The following PEBP4 variants were observed in gnomAD, a reference collection of about 807,000 sequenced individuals.
The protein encoded by PEBP4 is phosphatidylethanolamine-binding protein 4.
A neutral mutation model predicts 23.9 loss-of-function variants in PEBP4; 22 were observed. The ratio of observed to expected loss-of-function variants is 0.92; its 90% CI spans 0.66 to 1.31. The LOEUF is 1.31. Ranked by LOEUF, PEBP4 falls within the 40% of genes most tolerant of loss-of-function variation. The pLI, the probability that PEBP4 is intolerant of heterozygous loss-of-function variation, is 0.00. For synonymous variants in PEBP4, 112 were observed against 99.3 expected (o/e 1.13, Z -0.76); for missense variants, 324 against 281.7 (o/e 1.15, Z -1.07).
chr8:22,721,166 T>C (rs1804510237), intron 6 of PEBP4, among the ~76,000 whole-genome samples: 2 of 152,144 alleles, frequency 1.3e-5, no homozygotes, highest in Admixed American at 1.3e-4. Context: ...GCCTCATCAG[T>C]TGGTCCCTGC....
chr8:22,847,126 G>A (rs192757670), intron 3 of PEBP4, among the ~76,000 whole-genome samples: 1 of 152,258 alleles, frequency 6.6e-6, no homozygotes, highest in East Asian at 1.9e-4. Context: ...TTTTCTTTAC[G>A]TTATTCCTTG....
chr8:22,837,603 C>A (rs1419799063), intron 3 of PEBP4, among the ~76,000 whole-genome samples: 2 of 152,182 alleles, frequency 1.3e-5, no homozygotes, highest in African/African-American at 4.8e-5. Flanking sequence ...CATACACATG[C>A]CCACACAGAC....
chr8:22,721,081 T>G (rs1439570776), intron 6 of PEBP4, among the ~76,000 whole-genome samples: 1 of 152,076 alleles, frequency 6.6e-6, no homozygotes, highest in African/African-American at 2.4e-5. Context: ...CCACGACCCT[T>G]GCTGTGCTCC....
intron 4 of PEBP4, among the ~76,000 whole-genome samples, chr8:22,736,050 G>T (rs1347934959): frequency 6.6e-6 from 1 of 152,094 alleles, no homozygotes; most frequent in Non-Finnish European, 1.5e-5. Context: ...CGAGCCCCTG[G>T]TGCCTCTGGG....
At chr8:22,730,582 C>G (rs1804709738) in intron 4 of PEBP4, among the ~76,000 whole-genome samples, 1 of 152,140 alleles carries the variant, frequency 6.6e-6, no homozygotes, top group Admixed American at 6.5e-5. Context: ...TGCGATCACC[C>G]TAGAAAGCTG....
Position 22,865,104 on chromosome 8 carries a change from G to A in PEBP4, c.259-47369C>T, listed in dbSNP as rs867924855. On this transcript the variant is annotated intron_variant, in intron 3 of 6. Transcript: ENST00000256404. This position sits in a 1 kb window ranked among gnomAD's most constrained non-coding sequence, Gnocchi z 6.9. Reference sequence around the variant, plus strand: ...GACGCCGAGCCCTGGATGCGAGGTGGGGGTAGACAGAAGGGCTGGGGCGGC... The same window carrying A: ...GACGCCGAGCCCTGGATGCGAGGTGAGGGTAGACAGAAGGGCTGGGGCGGC... Among the ~76,000 whole-genome samples, 22 of 152,304 alleles carry A rather than the reference G, an allele frequency of 1.4e-4. 1 individual carries two copies. Among genetic ancestry groups the A allele is most frequent in the Middle Eastern group, 6.8e-3 (2 of 294 alleles).
chr8:22,724,723 C>A, intron 6 of PEBP4, 120 bp downstream of exon 6: 1 of 721,008 alleles, frequency 1.4e-6, no homozygotes, highest in Non-Finnish European at 2.4e-6. Flanking sequence ...CAGCCTTCGA[C>A]CCCAGTCTCC....
At chr8:22,855,888 T>A (rs1438733757) in intron 3 of PEBP4, among the ~76,000 whole-genome samples, 1 of 151,528 alleles carries the variant, frequency 6.6e-6, no homozygotes, top group Non-Finnish European at 1.5e-5. Context: ...AAAAAAATTT[T>A]AAAAATAGCC....
At chr8:22,795,164 T>TATATATATATATATATATAA (rs1491200518) in intron 4 of PEBP4, among the ~76,000 whole-genome samples, 1 of 17,536 alleles carries the variant, frequency 5.7e-5, no homozygotes, top group African/African-American at 3.3e-4. Context: ...TATATATATA[T>TATATATATATATATATATAA]TTTTTTTTTT....
chr8:22,743,467 C>A (rs773723420), intron 4 of PEBP4, among the ~76,000 whole-genome samples: 12 of 152,220 alleles, frequency 7.9e-5, no homozygotes, highest in Non-Finnish European at 1.5e-4. Flanking sequence ...CTTACTTGTT[C>A]CCAAACCAGA....
At chr8:22,846,941 C>T (rs577217743) in intron 3 of PEBP4, among the ~76,000 whole-genome samples, 1 of 152,136 alleles carries the variant, frequency 6.6e-6, no homozygotes, top group Admixed American at 6.5e-5. Context: ...GTGGGAGGAT[C>T]ACTTGAGCCC....
At chr8:22,896,702 C>A (rs1037422013) in intron 3 of PEBP4, among the ~76,000 whole-genome samples, 4 of 152,144 alleles carry the variant, frequency 2.6e-5, no homozygotes, top group African/African-American at 9.7e-5. Flanking sequence ...CAGCATTACA[C>A]AGAGGTTGCA....
intron 4 of PEBP4, among the ~76,000 whole-genome samples, chr8:22,753,842 C>T (rs757035199): frequency 2.0e-5 from 3 of 152,184 alleles, no homozygotes; most frequent in Non-Finnish European, 2.9e-5. Context: ...AGGAAGTGAG[C>T]GCAGATGGGC....
At chr8:22,847,491 G>A (rs533789969) in intron 3 of PEBP4, among the ~76,000 whole-genome samples, 1 of 152,182 alleles carries the variant, frequency 6.6e-6, no homozygotes, top group Non-Finnish European at 1.5e-5. Flanking sequence ...GGAGATCCTG[G>A]TTGCAGTTCT....
At chr8:22,810,528 A>G (rs12549793) in intron 4 of PEBP4, among the ~76,000 whole-genome samples, 67,128 of 151,620 alleles carry the variant, frequency 0.44, 15,240 homozygotes, top group South Asian at 0.66. Flanking sequence ...CAGGGCAAGG[A>G]TGGATTTGGG....
At chr8:22,881,213 C>T (rs1261023334) in intron 3 of PEBP4, among the ~76,000 whole-genome samples, 1 of 152,242 alleles carries the variant, frequency 6.6e-6, no homozygotes, top group Non-Finnish European at 1.5e-5. Context: ...TTTCTGGACT[C>T]TCCCAATCCC....
chr8:22,787,706 A>G (rs1251198664), intron 4 of PEBP4, among the ~76,000 whole-genome samples: 1 of 152,230 alleles, frequency 6.6e-6, no homozygotes, highest in Non-Finnish European at 1.5e-5. Flanking sequence ...TCAGAGAAAT[A>G]AACCACCACT....
At chr8:22,850,556 C>CGT (rs71274535) in intron 3 of PEBP4, among the ~76,000 whole-genome samples, 11,450 of 150,654 alleles carry the variant, frequency 0.076, 484 homozygotes, top group African/African-American at 0.1. Flanking sequence ...CCATGGCAAG[C>CGT]GTGTGTGTGT....
intron 4 of PEBP4, among the ~76,000 whole-genome samples, chr8:22,760,571 A>G (rs1478579851): frequency 2.0e-5 from 3 of 150,148 alleles, no homozygotes; most frequent in African/African-American, 7.5e-5. Flanking sequence ...GGAGGATGGC[A>G]GGGGGGGCAG....
Sources: allele counts gnomAD v4.1 joint callset (sites outside exome capture counted in the v4.1 genomes callset), GRCh38; gene constraint gnomAD v4.1.1; non-coding constraint Gnocchi (gnomAD v3.1); transcripts MANE v1.5; gene names NCBI Gene and HGNC (gene_info 2026-07-23, HGNC 2026-07-21).